Variants in MYRIP observed in about 807,000 individuals in gnomAD.
The protein encoded by MYRIP is myosin VIIA and Rab interacting protein.
MYRIP carries 49 observed loss-of-function variants against 98.0 expected under a neutral mutation model. The ratio of observed to expected loss-of-function variants is 0.50; its 90% CI spans 0.40 to 0.63. MYRIP has a LOEUF of 0.63. Among genes scored for constraint, MYRIP ranks in the 30% least tolerant of loss-of-function variants. The pLI, the probability that MYRIP is intolerant of heterozygous loss-of-function variation, is 0.00. For missense variants in MYRIP, 1,004 were observed against 1,058.2 expected, an observed-to-expected ratio of 0.95 and a Z score of 0.71; for synonymous variants, 404 against 409.5, an observed-to-expected ratio of 0.99 and a Z score of 0.16.
chr3:40,157,681 T>C (rs1355633835), intron 4 of MYRIP, among the ~76,000 whole-genome samples: 8 of 150,652 alleles, frequency 5.3e-5, no homozygotes, highest in African/African-American at 2.0e-4. Flanking sequence ...GATCCTGTTA[T>C]TGGTCTATTC....
At chr3:40,045,770 G>A (rs536728277) in intron 3 of MYRIP, among the ~76,000 whole-genome samples, 66 of 152,210 alleles carry the variant, frequency 4.3e-4, no homozygotes, top group African/African-American at 1.5e-3. Flanking sequence ...TGGGAGTTTC[G>A]TGGGGCTTGG....
intron 3 of MYRIP, among the ~76,000 whole-genome samples, chr3:40,062,840 A>C (rs1258188492): frequency 6.6e-6 from 1 of 152,190 alleles, no homozygotes; most frequent in African/African-American, 2.4e-5. Context: ...GCCATTTTTC[A>C]TTACCTTACC....
chr3:39,989,366 C>A (rs1012372373), intron 2 of MYRIP, among the ~76,000 whole-genome samples: 9 of 152,154 alleles, frequency 5.9e-5, no homozygotes, highest in African/African-American at 2.2e-4. Context: ...GGAGATGTCA[C>A]ACAAGGAGCC....
At chr3:40,057,145 CTT>C (rs1947901776) in intron 3 of MYRIP, among the ~76,000 whole-genome samples, 1 of 152,154 alleles carries the variant, frequency 6.6e-6, no homozygotes, top group African/African-American at 2.4e-5. Flanking sequence ...CACACCTTCT[CTT>C]CTTTCCTCCC....
At chr3:39,812,903 T>C (rs1940746035) in intron 1 of MYRIP, among the ~76,000 whole-genome samples, 1 of 148,016 alleles carries the variant, frequency 6.8e-6, no homozygotes, top group Non-Finnish European at 1.5e-5. Context: ...GTATGGTCCC[T>C]GCTACTAAAT....
At chr3:40,046,548 A>G (rs2125834531) in intron 3 of MYRIP, among the ~76,000 whole-genome samples, 1 of 147,386 alleles carries the variant, frequency 6.8e-6, no homozygotes, top group Non-Finnish European at 1.5e-5. Context: ...AAGGGGTTTC[A>G]TGGAAAAGGA....
intron 2 of MYRIP, among the ~76,000 whole-genome samples, chr3:39,956,776 C>G (rs569575949): frequency 4.0e-5 from 6 of 151,436 alleles, no homozygotes; most frequent in Non-Finnish European, 7.4e-5. Context: ...ATTGATAGAC[C>G]GCTAGCAAGA....
rs1953710930 is a variant in MYRIP at position 40,259,779 on chromosome 3, T to C, written c.*1613T>C. 6.5e-6 allele frequency: 1 copy of C among 152,678 alleles called. No homozygotes were observed. The highest frequency in any genetic ancestry group is 2.4e-5 in the African/African-American group (1 of 41,446). 9.5% of individuals were successfully genotyped at this position (152,678 alleles called of 1,614,324 possible). A position where few individuals can be genotyped will look rare whatever the true frequency, so the allele number is the denominator to read the frequency against. ...AAATAAGTAAATCTTTGGCTTTTTG[T>C]TCTGTTGGTGTGATTCAAAGCAAAA... On this transcript the variant is annotated 3_prime_UTR_variant, in exon 17 of 17. Transcript: ENST00000302541.
intron 1 of MYRIP, among the ~76,000 whole-genome samples, chr3:39,881,956 TC>T (rs2125645778): frequency 6.6e-6 from 1 of 152,236 alleles, no homozygotes; most frequent in South Asian, 2.1e-4. Flanking sequence ...AGGGTTTTTT[TC>T]CCATCTTTTT....
chr3:39,894,146 C>T (rs1261078126), intron 1 of MYRIP, among the ~76,000 whole-genome samples: 1 of 152,130 alleles, frequency 6.6e-6, no homozygotes, highest in Non-Finnish European at 1.5e-5. Context: ...ACTATTCATA[C>T]TATATTATTT....
intron 13 of MYRIP, among the ~76,000 whole-genome samples, chr3:40,248,997 G>A (rs186177418): frequency 4.9e-4 from 75 of 152,244 alleles, no homozygotes; most frequent in Non-Finnish European, 4.4e-5. Flanking sequence ...ACCCCTCAGG[G>A]GTAGGGGATG....
At chr3:39,895,759 T>G (rs979597700) in intron 1 of MYRIP, among the ~76,000 whole-genome samples, 2 of 152,144 alleles carry the variant, frequency 1.3e-5, no homozygotes, top group Non-Finnish European at 2.9e-5. Context: ...ATGGGCAATG[T>G]CAAAAAGTCA....
chr3:40,200,277 G>A (rs1951519257), intron 10 of MYRIP, among the ~76,000 whole-genome samples: 1 of 151,132 alleles, frequency 6.6e-6, no homozygotes, highest in Non-Finnish European at 1.5e-5. Flanking sequence ...AAGAAAAATC[G>A]CAAAAAAAAA....
At chr3:40,003,274 T>C (rs987102823) in intron 2 of MYRIP, among the ~76,000 whole-genome samples, 7 of 152,158 alleles carry the variant, frequency 4.6e-5, no homozygotes, top group Non-Finnish European at 8.8e-5. Flanking sequence ...TCTCTCTGAG[T>C]GGCCCCCTGT....
intron 2 of MYRIP, among the ~76,000 whole-genome samples, chr3:39,963,456 T>A (rs554382403): frequency 6.6e-6 from 1 of 152,306 alleles, no homozygotes; most frequent in Admixed American, 6.6e-5. Context: ...CACTTACTAC[T>A]TCATCCCTGT....
intron 3 of MYRIP, among the ~76,000 whole-genome samples, chr3:40,119,047 C>T (rs1040846151): frequency 6.6e-6 from 1 of 152,010 alleles, no homozygotes; most frequent in African/African-American, 2.4e-5. Context: ...CATACGTGTG[C>T]ATGTGTCTTT....
intron 1 of MYRIP, among the ~76,000 whole-genome samples, chr3:39,882,850 C>T (rs903829126): frequency 6.6e-6 from 1 of 152,074 alleles, no homozygotes. Context: ...ACCCTCCCCA[C>T]TGCACCTGCC....
intron 1 of MYRIP, among the ~76,000 whole-genome samples, chr3:39,892,800 C>A (rs959584638): frequency 5.3e-5 from 8 of 152,208 alleles, no homozygotes; most frequent in Non-Finnish European, 1.5e-5. Context: ...TAATAACCTA[C>A]TTCCTGCTTC....
intron 1 of MYRIP, among the ~76,000 whole-genome samples, chr3:39,848,465 TG>T (rs11288652): frequency 0.25 from 38,423 of 152,174 alleles, 5,135 homozygotes; most frequent in Middle Eastern, 0.32. Flanking sequence ...TTGCTTATTT[TG>T]ACTCCTCTTT....
Sources: allele counts gnomAD v4.1 joint callset (sites outside exome capture counted in the v4.1 genomes callset), GRCh38; gene constraint gnomAD v4.1.1; transcripts MANE v1.5; gene names NCBI Gene and HGNC (gene_info 2026-07-23, HGNC 2026-07-21).